The following RUNX2 variants were observed in gnomAD, a reference collection of about 807,000 sequenced individuals.
The protein encoded by RUNX2 is runt-related transcription factor 2.
In RUNX2, 10 loss-of-function variants were observed where a neutral mutation model predicts 51.7. The ratio of observed to expected loss-of-function variants is 0.19; its 90% confidence interval spans 0.12 to 0.33. The LOEUF is 0.33. RUNX2 is among the 10% of genes least tolerant of loss of function. RUNX2 has a pLI of 1.00. For synonymous variants in RUNX2, 276 were observed against 273.6 expected, an observed-to-expected ratio of 1.01 and a Z score of -0.09; for missense variants, 562 against 691.3, an observed-to-expected ratio of 0.81 and a Z score of 2.10.
chr6:45,442,144 T>C lies in RUNX2; in HGVS notation c.685+4093T>C, dbSNP rs144294249. ...TATAAAACTTCCCTTTAAAGGAACA[T>C]AGCCGATGACTTATTAGAACCTTCA... On this transcript the variant is annotated intron_variant, in intron 5 of 8. Transcript: ENST00000647337. 9.3e-4 allele frequency among the ~76,000 whole-genome samples: 142 copies of C among 152,362 alleles called. 1 individual carries two copies. In the East Asian group the frequency reaches 0.024, roughly 26 times the overall value.
At chr6:45,532,846 T>G (rs1801904107) in intron 7 of RUNX2, among the ~76,000 whole-genome samples, 1 of 151,592 alleles carries the variant, frequency 6.6e-6, no homozygotes, top group Non-Finnish European at 1.5e-5. Context: ...TTTGAGGAGC[T>G]ACTACTGGAC....
intron 4 of RUNX2, among the ~76,000 whole-genome samples, chr6:45,437,159 G>A (rs927469833): frequency 1.3e-5 from 2 of 152,106 alleles, no homozygotes; most frequent in Non-Finnish European, 2.9e-5. Context: ...CTTATTCGTC[G>A]CTTTTAGCTC....
chr6:45,513,905 A>G (rs1801240334), intron 7 of RUNX2, among the ~76,000 whole-genome samples: 1 of 152,212 alleles, frequency 6.6e-6, no homozygotes, highest in Admixed American at 6.5e-5. Flanking sequence ...CTGATGCGGG[A>G]TTAAAAGCAT....
At chr6:45,437,788 C>T (rs566822677) in intron 4 of RUNX2, among the ~76,000 whole-genome samples, 159 bp from the exon 5 acceptor site, 39 of 152,140 alleles carry the variant, frequency 2.6e-4, no homozygotes, top group Non-Finnish European at 4.6e-4. Flanking sequence ...AAGTGGTCAT[C>T]GGAGGGTTTC....
chr6:45,454,685 T>C (rs1289276283), intron 5 of RUNX2, among the ~76,000 whole-genome samples: 1 of 152,158 alleles, frequency 6.6e-6, no homozygotes, highest in Non-Finnish European at 1.5e-5. Context: ...TATCTATGTA[T>C]GTGTGTGTGT....
At position 45,512,363 on chromosome 6, in the gene RUNX2, G is replaced by A; in HGVS notation, c.977G>A (p.Gly326Asp). 2 of 1,614,068 alleles carry A rather than the reference G, an allele frequency of 1.2e-6. No homozygotes were observed. The highest frequency in any genetic ancestry group is 1.7e-6 in the Non-Finnish European group (2 of 1,180,016). ...ACCACCCCGCTGTCTTCCACACGGG[G>A]CACTGGGCTTCCTGCCATCACCGAT... ...HSTTPLSSTR[G>D]TGLPAITDVP... is the part of the protein sequence containing the mutation. The change falls in exon 7 of 9, where the codon GGC (glycine) becomes GAC (aspartate). Residue 326 changes from glycine to aspartate, a missense_variant. Around this residue, in one of 5 missense-constraint regions of RUNX2, gnomAD observed 304 missense variants for 353.2 expected, o/e 0.86. Coordinates refer to ENST00000647337, the MANE Select transcript of RUNX2 (RefSeq NM_001024630.4).
At chr6:45,328,490 G>T in intron 1 of RUNX2, 30 bp downstream of exon 1, 1 of 1,511,164 alleles carries the variant, frequency 6.6e-7, no homozygotes, top group Non-Finnish European at 9.0e-7. Flanking sequence ...AGTCTATGCA[G>T]TAATAGTAGG....
intron 2 of RUNX2, among the ~76,000 whole-genome samples, chr6:45,384,940 G>T (rs115884784): frequency 6.6e-6 from 1 of 151,822 alleles, no homozygotes; most frequent in Admixed American, 6.6e-5. Context: ...CTGGCCTCAC[G>T]TCATCTTCCT....
intron 2 of RUNX2, among the ~76,000 whole-genome samples, chr6:45,341,533 C>T (rs1362448610): frequency 1.3e-5 from 2 of 152,002 alleles, no homozygotes; most frequent in East Asian, 3.9e-4. Flanking sequence ...AAAAGGAAAA[C>T]ACAAATTTTC....
intron 6 of RUNX2, among the ~76,000 whole-genome samples, chr6:45,494,442 T>C (rs1370502568): frequency 6.6e-6 from 1 of 152,246 alleles, no homozygotes; most frequent in Non-Finnish European, 1.5e-5. Flanking sequence ...TTGGAATTTT[T>C]ATGAGTATTA....
chr6:45,477,988 T>G (rs1048555549), intron 5 of RUNX2, among the ~76,000 whole-genome samples: 1 of 152,132 alleles, frequency 6.6e-6, no homozygotes, highest in Non-Finnish European at 1.5e-5. Flanking sequence ...TGCTTCACTC[T>G]ATACTTTCTC....
At chr6:45,472,032 G>A (rs1799818108) in intron 5 of RUNX2, among the ~76,000 whole-genome samples, 1 of 151,786 alleles carries the variant, frequency 6.6e-6, no homozygotes, top group African/African-American at 2.4e-5. Context: ...GTGGGTTCTT[G>A]GTTCTTCTTT....
intron 5 of RUNX2, among the ~76,000 whole-genome samples, chr6:45,468,233 A>G (rs1307653458): frequency 1.3e-5 from 2 of 152,238 alleles, no homozygotes; most frequent in Admixed American, 6.5e-5. Flanking sequence ...ACTATCCTCA[A>G]TGAAATCTGT....
chr6:45,425,621 C>A (rs955071279), intron 3 of RUNX2, among the ~76,000 whole-genome samples: 22 of 152,130 alleles, frequency 1.4e-4, no homozygotes, highest in Admixed American at 4.6e-4. Context: ...ATAGAAAATA[C>A]TCTGTTGAGA....
chr6:45,481,109 GTCTCTGTCTCAC>G (rs1312654066), intron 5 of RUNX2, among the ~76,000 whole-genome samples: 7 of 152,120 alleles, frequency 4.6e-5, no homozygotes, highest in Non-Finnish European at 1.0e-4. Flanking sequence ...CTCTGTCTCT[GTCTCTGTCTCAC>G]TCTCTGTCTC....
At position 45,395,037 on chromosome 6, in the gene RUNX2, T is replaced by C. The variant is rs531502067; in HGVS notation, c.59-27556T>C. Among the ~76,000 whole-genome samples the C allele has an allele frequency of 2.0e-5, 3 of 152,268 alleles. No individual in the cohort carries two copies. The South Asian group carries it at 6.2e-4, about 32-fold the overall frequency. ...ATCTCAAGCTAGTCCACAAGCTTAG[T>C]CTCCAGCGCTTAATGAATTACCCTT... On this transcript the variant is annotated intron_variant, in intron 2 of 8. Transcript: ENST00000647337.
At chr6:45,347,843 T>C (rs1432317077) in intron 2 of RUNX2, among the ~76,000 whole-genome samples, 1 of 152,122 alleles carries the variant, frequency 6.6e-6, no homozygotes, top group Non-Finnish European at 1.5e-5. Context: ...CACATTGTAA[T>C]TACTATTTTT....
chr6:45,337,149 A>G (rs2150114025), intron 2 of RUNX2, among the ~76,000 whole-genome samples: 1 of 151,866 alleles, frequency 6.6e-6, no homozygotes, highest in Middle Eastern at 3.4e-3. Context: ...TGCCTTTTGA[A>G]CTGCCCATAT....
intron 7 of RUNX2, among the ~76,000 whole-genome samples, chr6:45,539,306 A>T (rs908161283): frequency 1.3e-5 from 2 of 152,074 alleles, no homozygotes; most frequent in African/African-American, 4.8e-5. Flanking sequence ...GTGAGCATGC[A>T]GTGGAAAAGT....
Sources: allele counts gnomAD v4.1 joint callset (sites outside exome capture counted in the v4.1 genomes callset), GRCh38; gene constraint gnomAD v4.1.1; regional missense constraint gnomAD v4.1.1; transcripts MANE v1.5; gene names NCBI Gene and HGNC (gene_info 2026-07-23, HGNC 2026-07-21).